The following MACROD2 variants were observed in gnomAD, a reference collection of about 807,000 sequenced individuals.
The protein encoded by MACROD2 is mono-ADP ribosylhydrolase 2, also known as ADP-ribose glycohydrolase MACROD2.
A neutral mutation model predicts 70.4 loss-of-function variants in MACROD2; 36 were observed. That is an observed-to-expected ratio of 0.51 (90% CI 0.39 to 0.68). The LOEUF (loss-of-function observed/expected upper bound fraction) is 0.68. Among genes scored for constraint, MACROD2 ranks in the 30% least tolerant of loss-of-function variants. The pLI is 0.00. For missense variants in MACROD2, 496 were observed against 538.4 expected (o/e 0.92, Z 0.78); for synonymous variants, 172 against 178.8 (o/e 0.96, Z 0.30).
rs146123426 is a variant in MACROD2, at chr20:14,743,417, TCAGA to T, written c.418+58463_418+58466del. ...AGCAGAGAACCTTGCTGTGATTTAA[TCAGA>T]CAGAGATGTGCCTGAAAAAAAGACA... On this transcript the variant is annotated intron_variant, in intron 5 of 17. Transcript: ENST00000684519. Among the ~76,000 whole-genome samples the T allele has an allele frequency of 9.5e-3, 1,451 of 152,168 alleles. 19 individuals carry two copies. The highest frequency in any genetic ancestry group is 0.033 in the African/African-American group (1,372 of 41,500).
chr20:14,895,496 T>C (rs1392434330), intron 5 of MACROD2: 1 of 151,980 alleles, frequency 6.6e-6, no homozygotes, highest in African/African-American at 2.4e-5. Flanking sequence ...ACAATGGTGG[T>C]GGAAAGGAAA....
intron 5 of MACROD2, among the ~76,000 whole-genome samples, chr20:15,117,247 A>T (rs914461834): frequency 1.3e-5 from 2 of 152,194 alleles, no homozygotes; most frequent in African/African-American, 4.8e-5. Flanking sequence ...TAGATTTTTG[A>T]AAGTTCAGTG....
intron 8 of MACROD2, among the ~76,000 whole-genome samples, chr20:15,686,053 G>A (rs780605156): frequency 7.2e-5 from 11 of 152,038 alleles, no homozygotes; most frequent in Non-Finnish European, 1.6e-4. Context: ...AAATGAATAG[G>A]GCATGACCTA....
chr20:14,431,095 A>G (rs6131579), intron 3 of MACROD2, among the ~76,000 whole-genome samples: 26 of 152,294 alleles, frequency 1.7e-4, no homozygotes, highest in East Asian at 9.6e-4. Flanking sequence ...CTGTCTGATG[A>G]CACAGAGTAT....
chr20:15,221,126 C>A (rs2145966007), intron 5 of MACROD2, among the ~76,000 whole-genome samples: 1 of 152,280 alleles, frequency 6.6e-6, no homozygotes, highest in South Asian at 2.1e-4. Flanking sequence ...ATTTTACCCA[C>A]AGTATAGAGT....
intron 5 of MACROD2, among the ~76,000 whole-genome samples, chr20:14,960,717 G>T (rs532193766): frequency 8.5e-5 from 13 of 152,090 alleles, no homozygotes; most frequent in African/African-American, 3.1e-4. Flanking sequence ...TATTTCTAGG[G>T]GTAGAATTCC....
chr20:14,540,583 A>G (rs1302683638), intron 4 of MACROD2, among the ~76,000 whole-genome samples: 2 of 152,178 alleles, frequency 1.3e-5, no homozygotes, highest in African/African-American at 4.8e-5. Context: ...AGGTATAAAA[A>G]GGCCAATCCT....
At chr20:14,994,256 G>T (rs537599236) in intron 5 of MACROD2, among the ~76,000 whole-genome samples, 3 of 151,906 alleles carry the variant, frequency 2.0e-5, no homozygotes, top group African/African-American at 7.2e-5. Flanking sequence ...TAAAAAAAAA[G>T]AACAAATAAA....
chr20:14,251,730 CTA>C (rs1232474734), intron 3 of MACROD2, among the ~76,000 whole-genome samples: 6 of 152,024 alleles, frequency 3.9e-5, no homozygotes, highest in Non-Finnish European at 7.4e-5. Flanking sequence ...AATATCTTCA[CTA>C]TGTTTGTCTA....
intron 4 of MACROD2, among the ~76,000 whole-genome samples, chr20:14,606,896 T>C (rs1173379662): frequency 1.3e-5 from 2 of 152,180 alleles, no homozygotes; most frequent in African/African-American, 4.8e-5. Flanking sequence ...AAACTTTTGT[T>C]GTGTAAGTAA....
intron 5 of MACROD2, among the ~76,000 whole-genome samples, chr20:15,052,172 A>AAG (rs1340865160): frequency 6.6e-6 from 1 of 152,122 alleles, no homozygotes; most frequent in Non-Finnish European, 1.5e-5. Flanking sequence ...ACACCATATT[A>AAG]AGGCTAGATA....
intron 8 of MACROD2, among the ~76,000 whole-genome samples, chr20:15,806,195 T>C (rs1263711824): frequency 6.6e-6 from 1 of 152,214 alleles, no homozygotes; most frequent in African/African-American, 2.4e-5. Flanking sequence ...CACGAGCTTT[T>C]CTTAACAATA....
chr20:15,407,196 G>A (rs1464037451), intron 6 of MACROD2, among the ~76,000 whole-genome samples: 2 of 152,164 alleles, frequency 1.3e-5, no homozygotes, highest in African/African-American at 2.4e-5. Context: ...GCCTAGAGGT[G>A]TTCTCTTGCT....
intron 2 of MACROD2, among the ~76,000 whole-genome samples, chr20:14,010,095 G>A (rs1481359595): frequency 2.6e-5 from 4 of 152,062 alleles, no homozygotes; most frequent in Non-Finnish European, 5.9e-5. Flanking sequence ...GTCTAACAAA[G>A]CTGTGTGTCT....
Position 14,719,467 on chromosome 20 carries a change from T to C in MACROD2, c.418+34508T>C, listed in dbSNP as rs1424145719. Among the ~76,000 whole-genome samples the C allele has an allele frequency of 1.1e-4, 3 of 27,356 alleles. No homozygotes were observed. The East Asian group carries it at 2.3e-3, about 21-fold the overall frequency. 17.9% of individuals were successfully genotyped at this position (27,356 alleles called of 152,430 possible). A position where few individuals can be genotyped will look rare whatever the true frequency, so the allele number is the denominator to read the frequency against. ...ACAGTTCTATCAGGAATAGGCAAGA[T>C]AGAAAGAAAAAAAAAAAAAAGAAAG... On this transcript the variant is annotated intron_variant, in intron 5 of 17. Transcript: ENST00000684519.
At chr20:15,412,929 AG>A (rs2146327035) in intron 6 of MACROD2, among the ~76,000 whole-genome samples, 1 of 152,354 alleles carries the variant, frequency 6.6e-6, no homozygotes, top group Admixed American at 6.5e-5. Flanking sequence ...ATGTGCCCAA[AG>A]ATGGTCATAT....
intron 5 of MACROD2, among the ~76,000 whole-genome samples, chr20:14,890,391 T>C (rs1446598190): frequency 6.6e-6 from 1 of 151,626 alleles, no homozygotes; most frequent in Non-Finnish European, 1.5e-5. Context: ...ATATGACCAG[T>C]GATGGAGGAA....
At chr20:15,715,711 A>T (rs1342186549) in intron 8 of MACROD2, among the ~76,000 whole-genome samples, 2 of 152,156 alleles carry the variant, frequency 1.3e-5, no homozygotes, top group African/African-American at 4.8e-5. Flanking sequence ...TGCTAATTTT[A>T]CATACTGTAT....
intron 8 of MACROD2, among the ~76,000 whole-genome samples, chr20:15,504,948 T>C (rs150299970): frequency 6.6e-6 from 1 of 152,334 alleles, no homozygotes; most frequent in African/African-American, 2.4e-5. Context: ...AATATAATTC[T>C]TTGCGGAATA....
Sources: allele counts gnomAD v4.1 joint callset (sites outside exome capture counted in the v4.1 genomes callset), GRCh38; gene constraint gnomAD v4.1.1; transcripts MANE v1.5; gene names NCBI Gene and HGNC (gene_info 2026-07-23, HGNC 2026-07-21).